Variants in MIAT observed in about 807,000 individuals in gnomAD.
The protein encoded by MIAT is MI related novel mRNA.
chr22:26,672,215 T>A (rs142721981), downstream of MIAT: 35 of 399,294 alleles, frequency 8.8e-5, no homozygotes, highest in Middle Eastern at 3.8e-3. Flanking sequence ...CTGTTTTCTC[T>A]TCTTACTAAC....
exon 4 of MIAT, chr22:26,666,409 C>T (rs1054840862): frequency 2.5e-6 from 1 of 398,548 alleles, no homozygotes; most frequent in African/African-American, 2.1e-5. Context: ...TGAGGCTGGG[C>T]AGAAGGGTCC....
At chr22:26,669,228 C>T (rs1317305504) in exon 6 of MIAT, 1 of 398,714 alleles carries the variant, frequency 2.5e-6, no homozygotes, top group African/African-American at 2.1e-5. Context: ...TGTCCTTTTT[C>T]CCAGAATGCG....
intron 4 of MIAT, chr22:26,666,964 GA>G (rs1819221943): frequency 2.7e-6 from 1 of 374,630 alleles, no homozygotes; most frequent in Admixed American, 4.5e-5. Flanking sequence ...TGTGGGGAGG[GA>G]GGGAGGGAGG....
downstream of MIAT, chr22:26,673,963 A>T: frequency 2.5e-6 from 1 of 398,696 alleles, no homozygotes; most frequent in Non-Finnish European, 4.4e-6. Context: ...TTATAGCTAC[A>T]GTAGTTTGCA....
chr22:26,662,267 T>G (rs991309850), intron 2 of MIAT, among the ~76,000 whole-genome samples: 1 of 152,026 alleles, frequency 6.6e-6, no homozygotes, highest in African/African-American at 2.4e-5. Context: ...CTGCCCCTAT[T>G]TGAATACACC....
chr22:26,658,848 C>T lies in MIAT; in HGVS notation n.647-4468C>T, dbSNP rs1200072307. 2.6e-5 allele frequency among the ~76,000 whole-genome samples: 4 copies of T among 152,278 alleles called. No individual in the cohort carries two copies. In the East Asian group the frequency reaches 7.7e-4, roughly 29 times the overall value. ...GGAACGGCTTTGTTTTTTCTCGGGG[C>T]CAGGCTGGGACTGAGCACGACTCAA... On this transcript the variant is annotated intron_variant and non_coding_transcript_variant, in intron 2 of 5. Coordinates refer to ENST00000643270, the Ensembl canonical transcript of MIAT.
intron 1 of MIAT, chr22:26,647,165 T>A (rs1186018085): frequency 5.0e-6 from 2 of 398,540 alleles, no homozygotes; most frequent in Admixed American, 4.4e-5. Context: ...CTCTGTTCCA[T>A]CTATAAAGTG....
intron 2 of MIAT, among the ~76,000 whole-genome samples, chr22:26,654,955 G>A (rs894415038): frequency 5.3e-5 from 8 of 152,178 alleles, no homozygotes; most frequent in African/African-American, 7.2e-5. Context: ...CTCATGATCC[G>A]CCCGCCTCGG....
intron 3 of MIAT, among the ~76,000 whole-genome samples, chr22:26,664,355 A>T (rs1483961435): frequency 2.0e-5 from 3 of 152,010 alleles, no homozygotes; most frequent in African/African-American, 7.3e-5. Context: ...TTCCTGTTCT[A>T]TCCAATTTTA....
downstream of MIAT, chr22:26,669,818 C>T: frequency 2.5e-6 from 1 of 399,012 alleles, no homozygotes; most frequent in Non-Finnish European, 4.4e-6. Context: ...TGGCAGGGCT[C>T]AGTGCAGGGA....
exon 5 of MIAT, chr22:26,675,470 C>G (rs1931227328): frequency 7.5e-6 from 3 of 398,632 alleles, no homozygotes; most frequent in Non-Finnish European, 1.3e-5. Context: ...AGGTGGAACT[C>G]AGAGGAGTTT....
exon 6 of MIAT, chr22:26,668,386 G>A: frequency 2.5e-6 from 1 of 398,802 alleles, no homozygotes; most frequent in Non-Finnish European, 4.4e-6. Flanking sequence ...ATCTGGCTCT[G>A]GAGGACAGCT....
exon 1 of MIAT, chr22:26,646,774 C>T (rs1930241988): frequency 2.5e-6 from 1 of 398,658 alleles, no homozygotes; most frequent in Non-Finnish European, 4.4e-6. Flanking sequence ...TGTCTTAGTG[C>T]TTTCCCCAAG....
At chr22:26,660,921 G>A (rs1052158174) in intron 2 of MIAT, 1 of 152,196 alleles carries the variant, frequency 6.6e-6, no homozygotes, top group Non-Finnish European at 1.5e-5. Flanking sequence ...TCACAATCCC[G>A]GTTTTAAAAA....
chr22:26,661,596 C>G (rs1223779799), intron 2 of MIAT, among the ~76,000 whole-genome samples: 3 of 152,068 alleles, frequency 2.0e-5, no homozygotes, highest in South Asian at 4.1e-4. Flanking sequence ...AGGTGGGAAA[C>G]AGGCTCAGAG....
downstream of MIAT, chr22:26,672,780 T>C: frequency 2.5e-6 from 1 of 398,752 alleles, no homozygotes. Flanking sequence ...CGGAAGTCAA[T>C]GAAGCGGGTC....
At chr22:26,656,564 C>G (rs1250709559) in intron 2 of MIAT, among the ~76,000 whole-genome samples, 1 of 150,652 alleles carries the variant, frequency 6.6e-6, no homozygotes, top group Admixed American at 6.6e-5. Flanking sequence ...GTGATCCACC[C>G]GCCTTGGCCT....
chr22:26,672,602 G>A, downstream of MIAT: 2 of 399,178 alleles, frequency 5.0e-6, no homozygotes, highest in Non-Finnish European at 8.8e-6. Flanking sequence ...GGAAGCTGGG[G>A]AAGAATCCTC....
At chr22:26,672,963 C>T, downstream of MIAT, 1 of 398,614 alleles carries the variant, frequency 2.5e-6, no homozygotes, top group Non-Finnish European at 4.4e-6. Context: ...CTCTCTGGAG[C>T]CGAGAGAGGC....
Sources: gnomAD v4.1 joint callset for allele counts (sites outside exome capture counted in the v4.1 genomes callset) on GRCh38, gnomAD v4.1.1 for gene constraint, MANE v1.5 for transcripts, NCBI Gene and HGNC (gene_info 2026-07-23, HGNC 2026-07-21) for gene names.